Variants in MSANTD2 observed in about 807,000 individuals in gnomAD.
MSANTD2 encodes the protein Myb/SANT DNA binding domain containing 2.
MSANTD2 carries 19 observed loss-of-function variants against 52.6 expected under a neutral mutation model. That is an observed-to-expected ratio of 0.36 (90% CI 0.25 to 0.53). The LOEUF (loss-of-function observed/expected upper bound fraction) is 0.53, where lower values mean the gene tolerates loss of function less well. MSANTD2 is among the 20% of genes least tolerant of loss of function. The probability of loss-of-function intolerance (pLI) is 0.91; values close to 1 mark genes in which losing one functional copy is unlikely to be tolerated. For synonymous variants in MSANTD2, 291 were observed against 289.7 expected, an observed-to-expected ratio of 1.00 and a Z score of -0.04; for missense variants, 558 against 716.3, an observed-to-expected ratio of 0.78 and a Z score of 2.52.
rs1944896873 is a variant in MSANTD2, at chr11:124,779,997, T to G, written c.511-5023A>C. ...TGCAAAATAGATCTTTCTTATACCT[T>G]TAAAGTTACTATTGTAACTGTTAAA... is the stretch of plus-strand genomic sequence containing the variant. On this transcript the variant is annotated intron_variant, in intron 1 of 3. Transcript: ENST00000374979. The surrounding 1 kb of genome is among the most constrained non-coding windows in gnomAD (Gnocchi z 4.6). Among the ~76,000 whole-genome samples, 1 of 152,238 alleles carries G rather than the reference T, an allele frequency of 6.6e-6. No individual in the cohort carries two copies. Among genetic ancestry groups the G allele is most frequent in the African/African-American group, 2.4e-5 (1 of 41,458 alleles).
At chr11:124,778,805 A>G (rs1178246673) in intron 1 of MSANTD2, among the ~76,000 whole-genome samples, 2 of 152,166 alleles carry the variant, frequency 1.3e-5, no homozygotes, top group African/African-American at 2.4e-5. Context: ...TTAAGATTAG[A>G]GTAAAAGGAA....
Position 124,800,318 on chromosome 11 carries a change from C to A in MSANTD2, c.63G>T (p.Glu21Asp). ...CACCAGGAGAAGCCGGGGAAAGCAC[C>A]TCCATCTTCGGAATTTTTAGCGGCG... ...ANSPLKIPKM[E>D]VLSPASPGGL... The change falls in exon 1 of 4, where the codon GAG becomes GAT. Residue 21 changes from glutamate to aspartate, a missense_variant. Glu to Asp is a conservative substitution (Grantham distance 45). Transcript: ENST00000374979. The surrounding 1 kb of genome is among the most constrained non-coding windows in gnomAD (Gnocchi z 4.3). The A allele has an allele frequency of 6.4e-7, 1 of 1,564,046 alleles. No individual in the cohort carries two copies. Among genetic ancestry groups the A allele is most frequent in the South Asian group, 1.2e-5 (1 of 86,094 alleles).
chr11:124,781,909 T>TCC (rs1296015382), intron 1 of MSANTD2, among the ~76,000 whole-genome samples: 1 of 152,150 alleles, frequency 6.6e-6, no homozygotes, highest in Non-Finnish European at 1.5e-5. Context: ...TGCCTTGGCC[T>TCC]CCCAAAGTGC....
chr11:124,774,994 G>A lies in MSANTD2; in HGVS notation c.511-20C>T. ...AAGGGTCTAAGACACAAAGTCTTTT[G>A]TTATTCCTTTAAAGCTGTACTTCCT... On this transcript the variant is annotated intron_variant, in intron 1 of 3. Transcript: ENST00000374979. This position sits in a 1 kb window ranked among gnomAD's most constrained non-coding sequence, Gnocchi z 5.1. 1 of 1,533,044 alleles carries A rather than the reference G, an allele frequency of 6.5e-7. No individual in the cohort carries two copies. The highest frequency in any genetic ancestry group is 8.7e-7 in the Non-Finnish European group (1 of 1,144,444). The allele number at this position is 1,533,044 out of a possible 1,614,324, so 95.0% of individuals were successfully genotyped here.
intron 1 of MSANTD2, 140 bp from the exon 2 acceptor site, chr11:124,775,114 C>T (rs1944689000): frequency 1.4e-6 from 1 of 695,766 alleles, no homozygotes; most frequent in East Asian, 2.8e-5. Flanking sequence ...ATTTCAAATT[C>T]ATTATTATAT....
At position 124,767,721 on chromosome 11, in the gene MSANTD2, T is replaced by A; in HGVS notation, c.1135A>T (p.Thr379Ser). The A allele has an allele frequency of 6.2e-7, 1 of 1,614,240 alleles. No homozygotes were observed. The highest frequency in any genetic ancestry group is 8.5e-7 in the Non-Finnish European group (1 of 1,180,040). ...KNVYYKFLEI[T>S]ISEARCLELH... The stretch of plus-strand genomic sequence containing the variant: ...TCCAAGCACCTAGCTTCGCTAATAG[T>A]GATCTCTAAAAATTTGTAGTAAACA... Residue 379 changes from threonine to serine, a missense_variant, in exon 4 of 4, where the codon ACT becomes TCT. Coordinates refer to ENST00000374979, the MANE Select transcript of MSANTD2 (RefSeq NM_001308027.2). The surrounding 1 kb of genome is among the most constrained non-coding windows in gnomAD (Gnocchi z 6.5).
At chr11:124,786,163 T>C (rs540446917) in intron 1 of MSANTD2, among the ~76,000 whole-genome samples, 4 of 148,502 alleles carry the variant, frequency 2.7e-5, no homozygotes, top group Admixed American at 6.8e-5. Context: ...TGACTATTCA[T>C]AGGGGCAAGC....
chr11:124,796,045 A>G (rs949035330), intron 1 of MSANTD2, among the ~76,000 whole-genome samples: 1 of 152,234 alleles, frequency 6.6e-6, no homozygotes, highest in Non-Finnish European at 1.5e-5. Flanking sequence ...AGCAATAAAC[A>G]AATTTTCATA....
intron 1 of MSANTD2, among the ~76,000 whole-genome samples, chr11:124,793,132 T>C (rs1179715882): frequency 6.6e-6 from 1 of 152,214 alleles, no homozygotes; most frequent in African/African-American, 2.4e-5. Context: ...TTATATTGTT[T>C]AAGTTATCAA....
chr11:124,784,038 G>A, intron 1 of MSANTD2: 1 of 985,066 alleles, frequency 1.0e-6, no homozygotes, highest in African/African-American at 1.7e-5. Flanking sequence ...AAGAATACAG[G>A]TCAAAAAAGT....
chr11:124,772,742 CAAAAAAAAA>C (rs57859579), intron 3 of MSANTD2, among the ~76,000 whole-genome samples: 16,217 of 57,230 alleles, frequency 0.28, 865 homozygotes, highest in Non-Finnish European at 0.34. Flanking sequence ...GATTCCGTCT[CAAAAAAAAA>C]AAAAAAAAAA....
intron 1 of MSANTD2, among the ~76,000 whole-genome samples, chr11:124,787,454 C>T (rs1043551196): frequency 3.3e-5 from 5 of 152,146 alleles, no homozygotes; most frequent in Non-Finnish European, 5.9e-5. Flanking sequence ...GATCTTGGCT[C>T]ACTGCAACCT....
At chr11:124,780,480 T>G (rs1431953203) in intron 1 of MSANTD2, among the ~76,000 whole-genome samples, 1 of 152,226 alleles carries the variant, frequency 6.6e-6, no homozygotes, top group East Asian at 1.9e-4. Flanking sequence ...CAAAATGTTT[T>G]TATTCTTCAA....
rs968500068 is a variant in MSANTD2, at chr11:124,774,157, G to C, written c.766+562C>G. ...TCCCTTAAGAAGTGTGAAGGAACATGATCACACAGTTCAAATAACAGCTCT... is the reference window on the plus strand; with the variant it reads ...TCCCTTAAGAAGTGTGAAGGAACATCATCACACAGTTCAAATAACAGCTCT... On this transcript the variant is annotated intron_variant, in intron 2 of 3. Coordinates refer to ENST00000374979, the MANE Select transcript of MSANTD2 (RefSeq NM_001308027.2). This position sits in a 1 kb window ranked among gnomAD's most constrained non-coding sequence, Gnocchi z 5.1. 2.6e-5 allele frequency among the ~76,000 whole-genome samples: 4 copies of C among 152,322 alleles called. No homozygotes were observed. The highest frequency in any genetic ancestry group is 9.6e-5 in the African/African-American group (4 of 41,574).
chr11:124,781,455 T>C (rs1028054260), intron 1 of MSANTD2, among the ~76,000 whole-genome samples: 3 of 152,142 alleles, frequency 2.0e-5, no homozygotes, highest in African/African-American at 4.8e-5. Flanking sequence ...GAAACAAGTA[T>C]AGTAAAGTAA....
At chr11:124,768,126 C>G in intron 3 of MSANTD2, 98 bp from the exon 4 acceptor site, 1 of 1,147,620 alleles carries the variant, frequency 8.7e-7, no homozygotes, top group Non-Finnish European at 1.2e-6. Flanking sequence ...ATCTGCTGCC[C>G]AATATGGTGG....
At chr11:124,769,492 G>C (rs1817168028) in intron 3 of MSANTD2, among the ~76,000 whole-genome samples, 1 of 152,184 alleles carries the variant, frequency 6.6e-6, no homozygotes, top group Admixed American at 6.5e-5. Flanking sequence ...TTTCTGCATA[G>C]GTCGATGCTT....
chr11:124,789,675 AC>A (rs1362263218), intron 1 of MSANTD2: 1 of 152,222 alleles, frequency 6.6e-6, no homozygotes, highest in Non-Finnish European at 1.5e-5. Context: ...ACCTTTCCCA[AC>A]TAAAGATGGT....
chr11:124,777,200 G>A (rs924811050), intron 1 of MSANTD2, among the ~76,000 whole-genome samples: 1 of 152,088 alleles, frequency 6.6e-6, no homozygotes, highest in African/African-American at 2.4e-5. Context: ...ACTCCTCCAA[G>A]GACCGTAAAT....
Sources: gnomAD v4.1 joint callset for allele counts (sites outside exome capture counted in the v4.1 genomes callset) on GRCh38, gnomAD v4.1.1 for gene constraint, Gnocchi (gnomAD v3.1) non-coding constraint, MANE v1.5 for transcripts, NCBI Gene and HGNC (gene_info 2026-07-23, HGNC 2026-07-21) for gene names.